TUSC3: variants seen among roughly 807,000 people sequenced by gnomAD.
TUSC3 encodes the protein tumor suppressor candidate 3.
Under a neutral mutation model 44.8 loss-of-function variants are expected in TUSC3, and 45 were observed. The observed-to-expected ratio is 1.00, with a 90% confidence interval of 0.79 to 1.29. TUSC3 has a LOEUF of 1.29. TUSC3 is among the 50% of genes most tolerant of loss of function. The pLI is 0.00. For missense variants in TUSC3, 519 were observed against 437.9 expected (o/e 1.19, Z -1.65); for synonymous variants, 212 against 152.9 (o/e 1.39, Z -2.85).
At chr8:15,462,517 G>T (rs1317429393) in intron 1 of TUSC3, among the ~76,000 whole-genome samples, 1 of 151,998 alleles carries the variant, frequency 6.6e-6, no homozygotes, top group African/African-American at 2.4e-5. Flanking sequence ...ACGACTGCCT[G>T]TTAATGTTAT....
intron 1 of TUSC3, among the ~76,000 whole-genome samples, chr8:15,566,569 T>C (rs1216689308): frequency 6.6e-6 from 1 of 151,966 alleles, no homozygotes; most frequent in Non-Finnish European, 1.5e-5. Context: ...AGGAGGTATA[T>C]GTACTTGTTT....
At chr8:15,849,528 C>CAAAGAAAGCCCAACTT in the TUSC3 span, among the ~76,000 whole-genome samples, 1 of 152,078 alleles carries the variant, frequency 6.6e-6, no homozygotes, top group Non-Finnish European at 1.5e-5. Context: ...AAATAAAAGA[C>CAAAGAAAGCCCAACTT]AAAGAAAGCC....
At chr8:15,828,642 C>G in the TUSC3 span, among the ~76,000 whole-genome samples, 3 of 152,136 alleles carry the variant, frequency 2.0e-5, no homozygotes, top group East Asian at 5.8e-4. Context: ...TGTTAGCAAA[C>G]AGGAAATGAT....
intron 1 of TUSC3, among the ~76,000 whole-genome samples, chr8:15,568,181 C>T (rs535269378): frequency 1.2e-4 from 19 of 152,218 alleles, no homozygotes; most frequent in East Asian, 9.7e-4. Context: ...ATGTGCTTTT[C>T]GTTTGTCTCT....
intron 5 of TUSC3, among the ~76,000 whole-genome samples, chr8:15,665,970 T>C (rs1197935159): frequency 6.6e-6 from 1 of 151,388 alleles, no homozygotes; most frequent in African/African-American, 2.4e-5. Context: ...CGGAGGATGG[T>C]GGACAATAAG....
At position 15,449,509 on chromosome 8, in the gene TUSC3, G is replaced by A. The variant is rs191642923; in HGVS notation, n.91+32204G>A. Among the ~76,000 whole-genome samples, 566 of 152,222 alleles carry A rather than the reference G, an allele frequency of 3.7e-3. 1 individual carries two copies. The highest frequency in any genetic ancestry group is 6.0e-3 in the Non-Finnish European group (408 of 68,010). On this transcript the variant is annotated intron_variant and non_coding_transcript_variant, in intron 1 of 5. Transcript: ENST00000503191. ...TACTGCCTCAAGTTAGCAAAAGGGAGGGGCAGCTTCAGGCAGTTGGTTAAA... is the reference window on the plus strand; with the variant it reads ...TACTGCCTCAAGTTAGCAAAAGGGAAGGGCAGCTTCAGGCAGTTGGTTAAA...
At chr8:15,447,527 C>T (rs923970854) in intron 1 of TUSC3, among the ~76,000 whole-genome samples, 10 of 151,926 alleles carry the variant, frequency 6.6e-5, no homozygotes, top group Admixed American at 3.9e-4. Flanking sequence ...CACTCAAAAC[C>T]GAAAACGTTG....
chr8:15,521,722 A>G (rs1487866406), intron 2 of TUSC3, among the ~76,000 whole-genome samples: 1 of 152,216 alleles, frequency 6.6e-6, no homozygotes, highest in Admixed American at 6.5e-5. Flanking sequence ...ACAAGCTTTC[A>G]TTAGGCCTTC....
the TUSC3 span, among the ~76,000 whole-genome samples, chr8:15,827,291 C>T: frequency 7.2e-5 from 11 of 152,232 alleles, no homozygotes; most frequent in East Asian, 5.8e-4. Context: ...AAACCAGTTA[C>T]GGAGCAGTAA....
At chr8:15,702,623 C>T (rs1250434741) in intron 6 of TUSC3, among the ~76,000 whole-genome samples, 2 of 152,092 alleles carry the variant, frequency 1.3e-5, no homozygotes, top group Non-Finnish European at 1.5e-5. Context: ...TTTCTGTTCT[C>T]TGCTTTGCTC....
chr8:15,847,866 G>C, the TUSC3 span, among the ~76,000 whole-genome samples: 3 of 152,122 alleles, frequency 2.0e-5, no homozygotes, highest in Admixed American at 2.0e-4. Context: ...GAGCGAATAA[G>C]CCTTAATTTT....
intron 1 of TUSC3, among the ~76,000 whole-genome samples, chr8:15,422,274 G>A (rs536594014): frequency 1.3e-5 from 2 of 152,230 alleles, no homozygotes; most frequent in East Asian, 3.9e-4. Context: ...CAGCACTTCT[G>A]TTGGTTTATT....
chr8:15,809,492 C>G, the TUSC3 span, among the ~76,000 whole-genome samples: 16 of 149,978 alleles, frequency 1.1e-4, no homozygotes, highest in Non-Finnish European at 2.1e-4. Context: ...ATTCCAAGAC[C>G]CCCCCTGTAG....
the TUSC3 span, among the ~76,000 whole-genome samples, chr8:15,849,283 ATTATAT>A: frequency 6.6e-6 from 1 of 152,172 alleles, no homozygotes; most frequent in African/African-American, 2.4e-5. Flanking sequence ...AGGTAGTGAT[ATTATAT>A]TTATGTCATT....
chr8:15,793,353 T>G, the TUSC3 span, among the ~76,000 whole-genome samples: 1 of 152,070 alleles, frequency 6.6e-6, no homozygotes, highest in Non-Finnish European at 1.5e-5. Context: ...CTCCTCCTTC[T>G]CCACTCCTTT....
In TUSC3 at chr8:15,714,003, A is replaced by C. The variant is rs1239127376; in HGVS notation, c.799-16663A>C. ...GTTAATGGCTTACTGATTAAGTTTT[A>C]TTTTAGTGAAAGTGCGCCTTGAAGG... On this transcript the variant is annotated intron_variant, in intron 6 of 10. Coordinates refer to ENST00000503731, the MANE Select transcript of TUSC3 (RefSeq NM_006765.4). Among the ~76,000 whole-genome samples, 4 of 152,162 alleles carry C rather than the reference A, an allele frequency of 2.6e-5. No individual in the cohort carries two copies. In the East Asian group the frequency reaches 7.7e-4, roughly 29 times the overall value.
intron 8 of TUSC3, among the ~76,000 whole-genome samples, chr8:15,748,021 T>C (rs1289844179): frequency 6.6e-6 from 1 of 152,140 alleles, no homozygotes; most frequent in Non-Finnish European, 1.5e-5. Context: ...AATAATCTTG[T>C]TTGTGGTTTA....
chr8:15,815,714 TTTC>T, the TUSC3 span, among the ~76,000 whole-genome samples: 1 of 152,120 alleles, frequency 6.6e-6, no homozygotes, highest in Non-Finnish European at 1.5e-5. Context: ...TGTCTCTTCT[TTTC>T]TTGTCCTTTG....
Position 15,602,666 on chromosome 8 carries a change from ATGTGTGTG to A in TUSC3, c.139-20390_139-20383del, listed in dbSNP as rs60206119. Among the ~76,000 whole-genome samples the A allele has an allele frequency of 1.5e-3, 218 of 145,970 alleles. 1 individual carries two copies. The highest frequency in any genetic ancestry group is 5.5e-3 in the Admixed American group (79 of 14,474). On this transcript the variant is annotated intron_variant, in intron 1 of 10. Coordinates refer to ENST00000503731, the MANE Select transcript of TUSC3 (RefSeq NM_006765.4). ...GGGTTGTGAAGATTAAAATATTTAT[ATGTGTGTG>A]TGTGTGTGTGTGTGTGTGTGTGTAT...
Sources: gnomAD v4.1 joint callset for allele counts (sites outside exome capture counted in the v4.1 genomes callset) on GRCh38, gnomAD v4.1.1 for gene constraint, MANE v1.5 for transcripts, NCBI Gene and HGNC (gene_info 2026-07-23, HGNC 2026-07-21) for gene names.